Variants in ZNF782 observed in about 807,000 individuals in gnomAD.
ZNF782 encodes zinc finger protein 782.
Under a neutral mutation model 13.0 loss-of-function variants are expected in ZNF782, and 12 were observed. That is an observed-to-expected ratio of 0.92 (90% CI 0.59 to 1.50). The LOEUF (loss-of-function observed/expected upper bound fraction) is 1.50. Ranked by LOEUF, ZNF782 falls within the 40% of genes most tolerant of loss-of-function variation. The probability of loss-of-function intolerance (pLI) is 0.00; values close to 1 mark genes in which losing one functional copy is unlikely to be tolerated. For synonymous variants in ZNF782, 284 were observed against 283.0 expected (o/e 1.00, Z -0.04); for missense variants, 770 against 822.9 (o/e 0.94, Z 0.79).
chr9:96,874,365 G>C (rs1392994544), intron 1 of ZNF782, among the ~76,000 whole-genome samples: 3 of 149,492 alleles, frequency 2.0e-5, no homozygotes. Context: ...AGCGTGACTA[G>C]TGTCACGTGG....
chr9:96,903,556 G>GTTGTT, the ZNF782 span, among the ~76,000 whole-genome samples: 2 of 75,458 alleles, frequency 2.7e-5, no homozygotes, highest in African/African-American at 1.2e-4. Context: ...TTTTATGTTG[G>GTTGTT]TTTTTTTTTT....
At chr9:96,854,954 T>C (rs1220803130), upstream of ZNF782, among the ~76,000 whole-genome samples, 1 of 152,196 alleles carries the variant, frequency 6.6e-6, no homozygotes, top group Non-Finnish European at 1.5e-5. Context: ...GTATTTAGCA[T>C]TGAAATGATA....
upstream of ZNF782, among the ~76,000 whole-genome samples, chr9:96,878,198 G>A (rs151107130): frequency 0.01 from 1,551 of 152,180 alleles, 16 homozygotes; most frequent in Non-Finnish European, 0.018. Flanking sequence ...ACAGGCGCGC[G>A]CCACCACGCC....
At chr9:96,851,827 T>G in intron 3 of ZNF782, 120 bp downstream of exon 3, 3 of 1,030,714 alleles carry the variant, frequency 2.9e-6, no homozygotes, top group Non-Finnish European at 4.4e-6. Context: ...ATGGTGAAAC[T>G]GTATATATTT....
chr9:96,887,684 T>C, the ZNF782 span: 2 of 152,090 alleles, frequency 1.3e-5, no homozygotes, highest in Non-Finnish European at 2.9e-5. Context: ...ACCCAAAGGA[T>C]TATAAATCAT....
chr9:96,927,256 TG>T, the ZNF782 span, among the ~76,000 whole-genome samples: 2 of 152,174 alleles, frequency 1.3e-5, no homozygotes, highest in Admixed American at 1.3e-4. Flanking sequence ...GATGGGACAT[TG>T]GTGGTTAGCA....
chr9:96,918,326 C>A, the ZNF782 span, among the ~76,000 whole-genome samples: 2,749 of 147,000 alleles, frequency 0.019, 44 homozygotes, highest in Non-Finnish European at 0.024. Context: ...GGGAGAATTG[C>A]TTCAACTCCG....
intron 4 of ZNF782, among the ~76,000 whole-genome samples, chr9:96,841,144 G>A (rs1851177336): frequency 6.6e-6 from 1 of 151,954 alleles, no homozygotes; most frequent in Non-Finnish European, 1.5e-5. Flanking sequence ...ATATGAATGT[G>A]ACAACTGAGA....
the ZNF782 span, among the ~76,000 whole-genome samples, chr9:96,925,556 A>C: frequency 2.0e-5 from 3 of 147,230 alleles, no homozygotes; most frequent in Non-Finnish European, 4.5e-5. Flanking sequence ...AATTGCTTGA[A>C]CCCAGGAGGC....
the ZNF782 span, among the ~76,000 whole-genome samples, chr9:96,881,271 CTTATCT>C: frequency 2.6e-4 from 39 of 152,128 alleles, no homozygotes; most frequent in African/African-American, 5.1e-4. Flanking sequence ...CTTGATTCCT[CTTATCT>C]TTATCATTTC....
At chr9:96,883,199 T>C in the ZNF782 span, among the ~76,000 whole-genome samples, 6 of 152,110 alleles carry the variant, frequency 3.9e-5, no homozygotes, top group African/African-American at 1.4e-4. Flanking sequence ...GACAGGATGT[T>C]TTCATGAATC....
At chr9:96,927,165 C>A in the ZNF782 span, among the ~76,000 whole-genome samples, 1 of 152,154 alleles carries the variant, frequency 6.6e-6, no homozygotes, top group East Asian at 1.9e-4. Context: ...TGTGATGACA[C>A]TTGTGATGAA....
upstream of ZNF782, among the ~76,000 whole-genome samples, chr9:96,877,172 T>A (rs1169801163): frequency 1.7e-4 from 26 of 152,104 alleles, no homozygotes; most frequent in Admixed American, 1.7e-3. Flanking sequence ...TATTATTCCG[T>A]AACATCAATA....
chr9:96,833,777 AG>A (rs1258339287), intron 4 of ZNF782, among the ~76,000 whole-genome samples: 2 of 152,214 alleles, frequency 1.3e-5, no homozygotes, highest in African/African-American at 4.8e-5. Context: ...ATAAATTATT[AG>A]GAATTTTTCT....
At chr9:96,848,640 C>G (rs1296376423) in intron 3 of ZNF782, among the ~76,000 whole-genome samples, 1 of 152,136 alleles carries the variant, frequency 6.6e-6, no homozygotes, top group Non-Finnish European at 1.5e-5. Context: ...TGAAAGATCT[C>G]TACAAGAACT....
intron 4 of ZNF782, among the ~76,000 whole-genome samples, chr9:96,833,940 G>T (rs189940178): frequency 6.6e-6 from 1 of 152,268 alleles, no homozygotes; most frequent in East Asian, 1.9e-4. Flanking sequence ...AGATCTTTCA[G>T]TTGGCTCCCC....
intron 2 of ZNF782, among the ~76,000 whole-genome samples, chr9:96,852,221 G>A (rs1483820386): frequency 6.6e-6 from 1 of 152,208 alleles, no homozygotes; most frequent in Non-Finnish European, 1.5e-5. Context: ...TTTTTATTGA[G>A]TGAACATAAA....
chr9:96,885,160 A>G, the ZNF782 span, among the ~76,000 whole-genome samples: 1 of 152,192 alleles, frequency 6.6e-6, no homozygotes, highest in Non-Finnish European at 1.5e-5. Context: ...GAAAAAAATA[A>G]CAGATACTAA....
At position 96,827,120 on chromosome 9, in the gene ZNF782, T is replaced by C; in HGVS notation, c.204A>G (p.Leu68=). The C allele has an allele frequency of 6.2e-7, 1 of 1,612,750 alleles. No individual in the cohort carries two copies. The highest frequency in any genetic ancestry group is 8.5e-7 in the Non-Finnish European group (1 of 1,179,442). The change falls in exon 5 of 6, where the codon TTA becomes TTG. Residue 68 remains leucine, a synonymous_variant. Coordinates refer to ENST00000481138, the MANE Select transcript of ZNF782 (RefSeq NM_001001662.3). The stretch of plus-strand genomic sequence containing the variant: ...TTAGAAATCCTTTCTCTTTCTCTAA[T>C]AACCATGGATCTTCTCCTTGTTCCA... ...FTLEQGEDPW[L]LEKEKGFLSR... is the part of the protein sequence containing the mutation.
Sources: allele counts gnomAD v4.1 joint callset (sites outside exome capture counted in the v4.1 genomes callset), GRCh38; gene constraint gnomAD v4.1.1; transcripts MANE v1.5; gene names NCBI Gene and HGNC (gene_info 2026-07-23, HGNC 2026-07-21).